PGAP1: variants seen among roughly 807,000 people sequenced by gnomAD.
PGAP1 encodes post-GPI attachment to proteins inositol deacylase 1, also known as GPI inositol-deacylase.
PGAP1 carries 76 observed loss-of-function variants against 127.0 expected under a neutral mutation model. That is an observed-to-expected ratio of 0.60 (90% CI 0.50 to 0.72). The LOEUF (loss-of-function observed/expected upper bound fraction) is 0.72. Among genes scored for constraint, PGAP1 ranks in the 30% least tolerant of loss-of-function variants. The pLI is 0.00. For missense variants in PGAP1, 982 were observed against 1,071.3 expected (o/e 0.92, Z 1.16); for synonymous variants, 362 against 366.5 (o/e 0.99, Z 0.14).
At chr2:196,847,599 C>A (rs915295455) in intron 21 of PGAP1, 2 of 193,766 alleles carry the variant, frequency 1.0e-5, no homozygotes, top group East Asian at 1.4e-4. Context: ...CTAAAATATA[C>A]TTTTAAAAGT....
rs144867850 is a variant in PGAP1, at chr2:196,892,230, A to G, written c.1089+116T>C. The G allele has an allele frequency of 5.9e-4, 331 of 560,174 alleles. 1 individual carries two copies. The East Asian group carries it at 9.9e-3, about 17-fold the overall frequency. 34.7% of individuals were successfully genotyped at this position (560,174 alleles called of 1,614,324 possible). ...GATACTTATTAAGGAATTATTATTA[A>G]ATTGTGGGAAAATGGCATGCAGTTA... On this transcript the variant is annotated intron_variant, in intron 9 of 26. Coordinates refer to ENST00000354764, the MANE Select transcript of PGAP1 (RefSeq NM_024989.4).
intron 1 of PGAP1, among the ~76,000 whole-genome samples, chr2:196,924,467 A>G (rs1296351512): frequency 6.6e-6 from 1 of 152,180 alleles, no homozygotes; most frequent in Non-Finnish European, 1.5e-5. Flanking sequence ...AAAATGACTC[A>G]TTTCTATAGG....
chr2:196,888,575 G>T (rs917137767), intron 10 of PGAP1, among the ~76,000 whole-genome samples: 18 of 151,972 alleles, frequency 1.2e-4, no homozygotes, highest in African/African-American at 4.4e-4. Context: ...CTAGATTGTG[G>T]GAAATTCTGT....
intron 4 of PGAP1, among the ~76,000 whole-genome samples, chr2:196,907,278 G>A (rs1702751914): frequency 1.2e-4 from 1 of 8,150 alleles, no homozygotes; most frequent in Admixed American, 1.0e-3. Context: ...CAAGCCAGAA[G>A]AGAGTGGGGG....
chr2:196,877,024 G>A (rs1012077380), intron 13 of PGAP1, among the ~76,000 whole-genome samples: 2 of 151,972 alleles, frequency 1.3e-5, no homozygotes, highest in African/African-American at 4.8e-5. Flanking sequence ...ATATCAGACA[G>A]GGAAGCAGTT....
chr2:196,870,928 G>C lies in PGAP1; in HGVS notation c.1767+13C>G. On this transcript the variant is annotated intron_variant, in intron 19 of 26. Transcript: ENST00000354764. ...AAGCAGTAAATAATCAACCAGCCAGGAATCTCTCTTACCTGTCCAAGTATT... is the reference window on the plus strand; with the variant it reads ...AAGCAGTAAATAATCAACCAGCCAGCAATCTCTCTTACCTGTCCAAGTATT... 1 of 1,600,568 alleles carries C rather than the reference G, an allele frequency of 6.2e-7. No individual in the cohort carries two copies. Among genetic ancestry groups the C allele is most frequent in the Non-Finnish European group, 8.6e-7 (1 of 1,168,900 alleles).
chr2:196,884,599 T>C (rs1701839007), intron 12 of PGAP1, among the ~76,000 whole-genome samples: 1 of 152,218 alleles, frequency 6.6e-6, no homozygotes, highest in Non-Finnish European at 1.5e-5. Flanking sequence ...TACAAATAAT[T>C]ATAAGCATTC....
At chr2:196,900,153 T>C (rs1009324999) in intron 5 of PGAP1, among the ~76,000 whole-genome samples, 1 of 152,240 alleles carries the variant, frequency 6.6e-6, no homozygotes, top group Non-Finnish European at 1.5e-5. Flanking sequence ...TTCCTTCTTG[T>C]GGTTGAAGAT....
At chr2:196,866,722 T>C (rs1478353555) in intron 19 of PGAP1, among the ~76,000 whole-genome samples, 1 of 151,982 alleles carries the variant, frequency 6.6e-6, no homozygotes, top group Non-Finnish European at 1.5e-5. Flanking sequence ...AATCTATTCA[T>C]ATGACAAAGG....
chr2:196,913,190 A>C lies in PGAP1; in HGVS notation c.478-137T>G. On this transcript the variant is annotated intron_variant, in intron 3 of 26. Coordinates refer to ENST00000354764, the MANE Select transcript of PGAP1 (RefSeq NM_024989.4). ...TATATAACCTCCCATCATAAGGTAC[A>C]GAAATACATTTTCATATAGTTTTAA... is the stretch of plus-strand genomic sequence containing the variant. 3.9e-6 allele frequency: 3 copies of C among 760,944 alleles called. No individual in the cohort carries two copies. The South Asian group carries it at 6.1e-5, about 15-fold the overall frequency. The allele number at this position is 760,944 out of a possible 1,614,324, so 47.1% of individuals were successfully genotyped here.
At chr2:196,890,215 G>A (rs1237375593) in intron 10 of PGAP1, among the ~76,000 whole-genome samples, 1 of 152,122 alleles carries the variant, frequency 6.6e-6, no homozygotes, top group East Asian at 1.9e-4. Context: ...GATTACAGAC[G>A]TGAGCCACCA....
At chr2:196,847,659 A>T (rs552324409) in intron 21 of PGAP1, 1 of 222,866 alleles carries the variant, frequency 4.5e-6, no homozygotes. Flanking sequence ...TTGCGTTTGA[A>T]TCTAGGATAC....
At chr2:196,856,410 G>A (rs912362382) in intron 20 of PGAP1, among the ~76,000 whole-genome samples, 3 of 152,200 alleles carry the variant, frequency 2.0e-5, no homozygotes, top group African/African-American at 4.8e-5. Context: ...CCTGTTATTA[G>A]AATGTAGCTC....
intron 5 of PGAP1, among the ~76,000 whole-genome samples, chr2:196,901,516 A>C (rs1277241293): frequency 6.6e-6 from 1 of 152,202 alleles, no homozygotes; most frequent in African/African-American, 2.4e-5. Flanking sequence ...GGCAGACTAC[A>C]TTCTATGCAT....
At chr2:196,911,612 A>T (rs1270849438) in intron 4 of PGAP1, among the ~76,000 whole-genome samples, 1 of 121,280 alleles carries the variant, frequency 8.2e-6, no homozygotes, top group Admixed American at 7.7e-5. Flanking sequence ...ATAATAAAAA[A>T]AAAAAAAAAA....
At chr2:196,900,328 G>C (rs950964338) in intron 5 of PGAP1, among the ~76,000 whole-genome samples, 3 of 152,188 alleles carry the variant, frequency 2.0e-5, no homozygotes, top group Non-Finnish European at 4.4e-5. Flanking sequence ...GTCATTATCT[G>C]TGTGGGACTA....
intron 13 of PGAP1, among the ~76,000 whole-genome samples, chr2:196,877,795 T>A (rs567800356): frequency 3.9e-5 from 6 of 152,260 alleles, no homozygotes; most frequent in Non-Finnish European, 8.8e-5. Context: ...TCAATAAACA[T>A]TTTCTTGAGC....
chr2:196,856,818 T>TTTA (rs1433964986), intron 20 of PGAP1, among the ~76,000 whole-genome samples: 10 of 152,342 alleles, frequency 6.6e-5, no homozygotes, highest in African/African-American at 2.4e-4. Flanking sequence ...ACTGGTTGTG[T>TTTA]TTAAGCCTAG....
intron 20 of PGAP1, among the ~76,000 whole-genome samples, chr2:196,853,495 A>G (rs1479933139): frequency 6.6e-6 from 1 of 152,196 alleles, no homozygotes; most frequent in East Asian, 1.9e-4. Flanking sequence ...ATGGGCTTAC[A>G]CTTATAACCT....
Sources: gnomAD v4.1 joint callset for allele counts (sites outside exome capture counted in the v4.1 genomes callset) on GRCh38, gnomAD v4.1.1 for gene constraint, MANE v1.5 for transcripts, NCBI Gene and HGNC (gene_info 2026-07-23, HGNC 2026-07-21) for gene names.